The following XPC variants were observed in gnomAD, a reference collection of about 807,000 sequenced individuals.
XPC encodes XPC complex subunit, DNA damage recognition and repair factor, also known as DNA repair protein complementing XP-C cells.
A neutral mutation model predicts 95.8 loss-of-function variants in XPC; 76 were observed. The ratio of observed to expected loss-of-function variants is 0.79; its 90% CI spans 0.66 to 0.96. The LOEUF is 0.96. Among genes scored for constraint, XPC ranks in the 40% least tolerant of loss-of-function variants. XPC has a pLI of 0.00. For missense variants in XPC, 1,146 were observed against 1,179.8 expected (o/e 0.97, Z 0.42); for synonymous variants, 442 against 442.1 (o/e 1.00, Z 0.00).
intron 8 of XPC, among the ~76,000 whole-genome samples, chr3:14,159,308 G>C (rs539611792): frequency 6.6e-6 from 1 of 152,260 alleles, no homozygotes; most frequent in South Asian, 2.1e-4. Context: ...TAATACAGCT[G>C]TAGTTTTAAG....
intron 2 of XPC, among the ~76,000 whole-genome samples, chr3:14,171,833 G>C (rs763580147): frequency 6.6e-5 from 10 of 152,042 alleles, no homozygotes; most frequent in Non-Finnish European, 1.3e-4. Context: ...GGACGGGACC[G>C]GGATGGGGAC....
chr3:14,146,786 A>G (rs1017796265), intron 15 of XPC, among the ~76,000 whole-genome samples: 5 of 152,182 alleles, frequency 3.3e-5, no homozygotes, highest in African/African-American at 1.2e-4. Context: ...AGCACTGACT[A>G]TACCATGTAA....
chr3:14,168,267 T>A lies in XPC; in HGVS notation c.526A>T (p.Arg176Ter). The change falls in exon 4 of 16, where the codon AGA becomes TGA. Residue 176 changes from arginine to a stop codon, truncating the protein, a stop_gained. Transcript: ENST00000285021. LOFTEE classifies it high-confidence loss of function. ...EIETPEQAKT[R>*]ERSEKIKLEF... ...AGGGCCTAAGCTTACCTTCTTTCTC[T>A]TGTCTTCGCCTGCTCTGGCGTTTCA... 6.2e-7 allele frequency: 1 copy of A among 1,611,584 alleles called. No homozygotes were observed. Among genetic ancestry groups the A allele is most frequent in the African/African-American group, 1.3e-5 (1 of 74,832 alleles).
chr3:14,165,025 G>GT lies in XPC; in HGVS notation c.780-93dup, dbSNP rs1696318756. 5 of 1,490,652 alleles carry GT rather than the reference G, an allele frequency of 3.4e-6. No homozygotes were observed. The East Asian group carries it at 1.2e-4, about 36-fold the overall frequency. 92.3% of individuals were successfully genotyped at this position (1,490,652 alleles called of 1,614,324 possible). A position where few individuals can be genotyped will look rare whatever the true frequency, so the allele number is the denominator to read the frequency against. The stretch of plus-strand genomic sequence containing the variant: ...AGAAAATAAAAAGAGGGAGTGAATC[G>GT]TGAGACCCGCCTGCCTCTGTCCTAC... On this transcript the variant is annotated intron_variant, in intron 6 of 15. Coordinates refer to ENST00000285021, the MANE Select transcript of XPC (RefSeq NM_004628.5).
chr3:14,148,111 G>A (rs1399051498), intron 13 of XPC, 110 bp from the exon 14 acceptor site: 3 of 933,878 alleles, frequency 3.2e-6, no homozygotes, highest in Non-Finnish European at 4.9e-6. Context: ...TAGGGGTCCT[G>A]AAGGATGTCG....
chr3:14,171,106 A>G (rs1696594611), intron 2 of XPC, among the ~76,000 whole-genome samples: 1 of 152,230 alleles, frequency 6.6e-6, no homozygotes, highest in Non-Finnish European at 1.5e-5. Context: ...AGATAATAAC[A>G]TAGATAAGTA....
chr3:14,156,572 C>T, intron 9 of XPC, 77 bp from the exon 10 acceptor site: 1 of 1,597,228 alleles, frequency 6.3e-7, no homozygotes, highest in Non-Finnish European at 8.5e-7. Flanking sequence ...GATCCTTAGA[C>T]TAACTTGTTC....
At chr3:14,174,280 A>C (rs930586108) in intron 1 of XPC, among the ~76,000 whole-genome samples, 8 of 152,154 alleles carry the variant, frequency 5.3e-5, no homozygotes, top group Non-Finnish European at 2.9e-5. Flanking sequence ...CAAATCTGAG[A>C]ACAGATTGCC....
At chr3:14,176,076 G>A (rs1350344) in intron 1 of XPC, among the ~76,000 whole-genome samples, 61,719 of 152,036 alleles carry the variant, frequency 0.41, 13,272 homozygotes, top group Non-Finnish European at 0.48. Context: ...CAGCCACCCC[G>A]CAAGGCAGTT....
rs747294422 is a variant in XPC at position 14,178,541 on chromosome 3, C to G, written c.28G>C (p.Glu10Gln). The change falls in exon 1 of 16, where the codon GAG becomes CAG. Residue 10 changes from glutamate to glutamine, a missense_variant. Physicochemically the swap from Glu to Gln is conservative, Grantham distance 29. Coordinates refer to ENST00000285021, the MANE Select transcript of XPC (RefSeq NM_004628.5). ...CTGCGCAGTTCGCGTCCCCGCGGCTCCCCGCCGGCCGCGCGTTTCCGAGCC... is the reference window on the plus strand; with the variant it reads ...CTGCGCAGTTCGCGTCCCCGCGGCTGCCCGCCGGCCGCGCGTTTCCGAGCC... Reference protein sequence around the residue: MARKRAAGGEPRGRELRSQK... With the variant: MARKRAAGGQPRGRELRSQK... 3 of 1,613,000 alleles carry G rather than the reference C, an allele frequency of 1.9e-6. No individual in the cohort carries two copies. The highest frequency in any genetic ancestry group is 2.5e-6 in the Non-Finnish European group (3 of 1,179,628).
intron 11 of XPC, chr3:14,149,917 C>T (rs2125012081): frequency 1.3e-5 from 2 of 152,342 alleles, no homozygotes; most frequent in East Asian, 3.9e-4. Flanking sequence ...CACTTTCATC[C>T]ACTAGCCTAT....
chr3:14,168,512 C>T (rs1574973048), intron 3 of XPC, 132 bp from the exon 4 acceptor site: 4 of 1,104,184 alleles, frequency 3.6e-6, no homozygotes, highest in African/African-American at 1.6e-5. Context: ...CCACAGAGAC[C>T]CCTAGACATG....
intron 15 of XPC, 110 bp from the exon 16 acceptor site, chr3:14,146,269 TG>T: frequency 9.7e-7 from 1 of 1,033,146 alleles, no homozygotes. Context: ...TGTGTAACTC[TG>T]GGAGGACAAG....
chr3:14,178,307 G>A, intron 1 of XPC, 159 bp downstream of exon 1: 2 of 789,702 alleles, frequency 2.5e-6, no homozygotes, highest in Non-Finnish European at 3.8e-6. Flanking sequence ...CGCGGGGACA[G>A]CGGGGAGGGC....
chr3:14,157,506 G>C (rs901154098), intron 9 of XPC, among the ~76,000 whole-genome samples: 1 of 151,958 alleles, frequency 6.6e-6, no homozygotes, highest in African/African-American at 2.4e-5. Context: ...TCTGCCTCCC[G>C]GTCTGCCTTC....
rs3731167 is a variant in XPC, at chr3:14,148,012, A to G, written c.2421-11T>C. On this transcript the variant is annotated splice_polypyrimidine_tract_variant and intron_variant, in intron 13 of 15. Coordinates refer to ENST00000285021, the MANE Select transcript of XPC (RefSeq NM_004628.5). ...ATGTATCCATCAGTCCTGTGGGGAC[A>G]CAACGCGATGTCAACCCTCGAACCT... is the stretch of plus-strand genomic sequence containing the variant. 1,916 of 1,565,548 alleles carry G rather than the reference A, an allele frequency of 1.2e-3. 36 individuals are homozygous for G. In the South Asian group the frequency reaches 0.021, roughly 17 times the overall value.
intron 9 of XPC, among the ~76,000 whole-genome samples, chr3:14,157,336 T>C (rs970448028): frequency 5.3e-5 from 8 of 152,148 alleles, no homozygotes; most frequent in African/African-American, 9.7e-5. Context: ...TCCTGAGGGA[T>C]TGGAAATAAA....
intron 4 of XPC, among the ~76,000 whole-genome samples, chr3:14,167,816 T>C (rs1462045931): frequency 1.3e-5 from 2 of 152,116 alleles, no homozygotes; most frequent in African/African-American, 2.4e-5. Context: ...CTGGGAAGGA[T>C]AGGGGCTCCC....
chr3:14,168,482 A>G, intron 3 of XPC, 102 bp from the exon 4 acceptor site: 17 of 1,450,748 alleles, frequency 1.2e-5, no homozygotes, highest in Non-Finnish European at 1.6e-5. Context: ...GAAGTGAGGC[A>G]TGAATGTGAG....
Sources: gnomAD v4.1 joint callset for allele counts (sites outside exome capture counted in the v4.1 genomes callset) on GRCh38, gnomAD v4.1.1 for gene constraint, MANE v1.5 for transcripts, NCBI Gene and HGNC (gene_info 2026-07-23, HGNC 2026-07-21) for gene names.